Variants in BIRC6 observed in about 807,000 individuals in gnomAD.
BIRC6 encodes the protein baculoviral IAP repeat containing 6.
A neutral mutation model predicts 503.3 loss-of-function variants in BIRC6; 98 were observed. That is an observed-to-expected ratio of 0.19 (90% CI 0.17 to 0.23). BIRC6 has a LOEUF of 0.23. Among genes scored for constraint, BIRC6 ranks in the 10% least tolerant of loss-of-function variants. BIRC6 has a pLI of 1.00. For synonymous variants in BIRC6, 2,240 were observed against 2,078.7 expected (o/e 1.08, Z -2.11); for missense variants, 5,360 against 5,806.0 (o/e 0.92, Z 2.50).
intron 66 of BIRC6, among the ~76,000 whole-genome samples, chr2:32,578,989 T>TATATATATATATATATAC (rs1480624603): frequency 0.021 from 1,840 of 89,628 alleles, 206 homozygotes; most frequent in Admixed American, 0.13. Flanking sequence ...AATATATATA[T>TATATATATATATATATAC]ACACTTAATA....
chr2:32,379,920 TA>T (rs2037378412), intron 2 of BIRC6, among the ~76,000 whole-genome samples: 1 of 152,074 alleles, frequency 6.6e-6, no homozygotes, highest in Non-Finnish European at 1.5e-5. Context: ...ACTTTGTGTT[TA>T]AACTTTACCA....
intron 26 of BIRC6, among the ~76,000 whole-genome samples, 196 bp downstream of exon 26, chr2:32,465,360 G>C (rs2048435999): frequency 6.6e-6 from 1 of 150,424 alleles, no homozygotes; most frequent in Admixed American, 6.6e-5. Context: ...TGCATAAAGA[G>C]TGCTGTTGAG....
At position 32,476,262 on chromosome 2, in the gene BIRC6, A is replaced by T. The variant is rs751999492; in HGVS notation, c.6770A>T (p.Glu2257Val). Reference sequence around the variant, plus strand: ...CAGAAGGCATTGGTAGAACAGATGGAAAAAGAAAAAATACAAAGTAACAAA... The same window carrying T: ...CAGAAGGCATTGGTAGAACAGATGGTAAAAGAAAAAATACAAAGTAACAAA... ...AKQKALVEQM[E>V]KEKIQSNKGS... The change falls in exon 34 of 74, where the codon GAA becomes GTA. Residue 2257 changes from glutamate (E) to valine (V), a missense_variant. This residue lies in a region of BIRC6 where 2,299 missense variants were observed against 2,267.2 expected (regional missense o/e 1.01). Transcript: ENST00000421745. The T allele has an allele frequency of 1.9e-6, 3 of 1,555,542 alleles. No individual in the cohort carries two copies. The Admixed American group carries it at 5.8e-5, about 30-fold the overall frequency.
intron 4 of BIRC6, 128 bp downstream of exon 4, chr2:32,389,071 T>TAA: frequency 1.6e-6 from 1 of 636,946 alleles, no homozygotes; most frequent in Non-Finnish European, 2.3e-6. Flanking sequence ...ATTTTGAAAT[T>TAA]AAAAAAAAAT....
Position 32,531,356 on chromosome 2 carries a change from T to A in BIRC6, c.12096T>A (p.Asp4032Glu), listed in dbSNP as rs927690904. The A allele has an allele frequency of 4.3e-6, 7 of 1,609,566 alleles. No individual in the cohort carries two copies. Among genetic ancestry groups the A allele is most frequent in the East Asian group, 2.2e-5 (1 of 44,840 alleles). Residue 4032 changes from aspartate (D) to glutamate (E), a missense_variant and splice_region_variant, in exon 61 of 74, where the codon GAT becomes GAA. Transcript: ENST00000421745. ...DSYKRLHPEK[D>E]HGDLLASCPE... ...AGTTATTTGTAATTTATTGTCTAGA[T>A]CATGGAGACTTACTTGCTAGCTGTC...
intron 65 of BIRC6, among the ~76,000 whole-genome samples, chr2:32,550,697 C>G (rs2058366480): frequency 6.6e-6 from 1 of 151,976 alleles, no homozygotes; most frequent in Admixed American, 6.6e-5. Flanking sequence ...CTGTTTTGGT[C>G]TGAAATTGAC....
intron 65 of BIRC6, among the ~76,000 whole-genome samples, chr2:32,567,154 G>C (rs2059590233): frequency 6.6e-6 from 1 of 151,972 alleles, no homozygotes. Flanking sequence ...ATTTTTAGTA[G>C]AGACTGGGTT....
rs1572744221 is a variant in BIRC6, at chr2:32,515,465, C to T, written c.11044C>T (p.Leu3682=). 3 of 1,613,576 alleles carry T rather than the reference C, an allele frequency of 1.9e-6. No individual in the cohort carries two copies. In the East Asian group the frequency reaches 6.7e-5, roughly 36 times the overall value. Residue 3682 remains leucine (L), a synonymous_variant, in exon 55 of 74, where the codon CTA becomes TTA. Coordinates refer to ENST00000421745, the MANE Select transcript of BIRC6 (RefSeq NM_016252.4). The part of the protein sequence containing the change: ...QCNKMPITAD[L]VAPILRFLTE... Reference sequence around the variant, plus strand: ...TAATAAGATGCCTATCACAGCCGACCTAGTTGCTCCTATTCTTAGGTTTTT... The same window carrying T: ...TAATAAGATGCCTATCACAGCCGACTTAGTTGCTCCTATTCTTAGGTTTTT...
intron 8 of BIRC6, among the ~76,000 whole-genome samples, chr2:32,404,967 T>C (rs2041036571): frequency 6.6e-6 from 1 of 152,138 alleles, no homozygotes; most frequent in South Asian, 2.1e-4. Context: ...TGTTGCCTGA[T>C]TATATTTTTG....
chr2:32,592,021 C>T (rs2061411361), intron 66 of BIRC6, among the ~76,000 whole-genome samples: 1 of 152,240 alleles, frequency 6.6e-6, no homozygotes. Context: ...TGTTAAACTA[C>T]AGTCTCACCT....
chr2:32,544,527 T>A (rs2057916411), intron 62 of BIRC6, among the ~76,000 whole-genome samples: 1 of 150,758 alleles, frequency 6.6e-6, no homozygotes, highest in South Asian at 2.1e-4. Flanking sequence ...CTATTTATTC[T>A]ATTAATATTT....
intron 36 of BIRC6, 60 bp from the exon 37 acceptor site, chr2:32,479,402 T>C: frequency 6.8e-7 from 1 of 1,465,544 alleles, no homozygotes; most frequent in South Asian, 1.3e-5. Context: ...AAAAATGTGC[T>C]GTAATACATT....
chr2:32,595,911 T>C (rs181848576), intron 68 of BIRC6, among the ~76,000 whole-genome samples: 44 of 152,340 alleles, frequency 2.9e-4, no homozygotes, highest in Admixed American at 2.3e-3. Flanking sequence ...GGTCAGTGTC[T>C]AATGATATTA....
intron 65 of BIRC6, among the ~76,000 whole-genome samples, chr2:32,567,232 A>T (rs957704125): frequency 1.3e-5 from 2 of 151,872 alleles, no homozygotes; most frequent in African/African-American, 4.8e-5. Flanking sequence ...GGCCTCCCAC[A>T]CTGCTGGGAT....
intron 39 of BIRC6, among the ~76,000 whole-genome samples, chr2:32,484,521 A>T (rs1249690049): frequency 6.6e-6 from 1 of 150,416 alleles, no homozygotes; most frequent in Non-Finnish European, 1.5e-5. Context: ...GCTGCAGTCC[A>T]GCCTGGACGA....
intron 31 of BIRC6, 22 bp from the exon 32 acceptor site, chr2:32,470,992 C>A: frequency 6.4e-7 from 1 of 1,552,124 alleles, no homozygotes; most frequent in East Asian, 2.4e-5. Context: ...GATGTTTTTC[C>A]TTTGCTGTCA....
intron 8 of BIRC6, among the ~76,000 whole-genome samples, chr2:32,401,974 G>A (rs1031429384): frequency 1.3e-5 from 2 of 152,092 alleles, no homozygotes; most frequent in Non-Finnish European, 2.9e-5. Context: ...TAGAGCATTC[G>A]AACTAGATGA....
chr2:32,608,862 T>C (rs976769993), intron 72 of BIRC6, among the ~76,000 whole-genome samples: 5 of 152,126 alleles, frequency 3.3e-5, no homozygotes, highest in Non-Finnish European at 7.3e-5. Flanking sequence ...AATGTGTATA[T>C]ATAAGGAGAA....
At chr2:32,375,739 CTCTCT>C (rs972242465) in intron 1 of BIRC6, among the ~76,000 whole-genome samples, 9 of 117,960 alleles carry the variant, frequency 7.6e-5, no homozygotes, top group South Asian at 6.2e-4. Flanking sequence ...TTTTCTTTCT[CTCTCT>C]TTTTTTTTTT....
Sources: gnomAD v4.1 joint callset for allele counts (sites outside exome capture counted in the v4.1 genomes callset) on GRCh38, gnomAD v4.1.1 for gene constraint, gnomAD v4.1.1 regional missense constraint, MANE v1.5 for transcripts, NCBI Gene and HGNC (gene_info 2026-07-23, HGNC 2026-07-21) for gene names.